PAPPA2: variants seen among roughly 807,000 people sequenced by gnomAD.
PAPPA2 encodes the protein pappalysin 2.
Under a neutral mutation model 176.4 loss-of-function variants are expected in PAPPA2, and 86 were observed. That is an observed-to-expected ratio of 0.49 (90% confidence interval 0.41 to 0.58). The LOEUF is 0.58. Among genes scored for constraint, PAPPA2 ranks in the 20% least tolerant of loss-of-function variants. The pLI, the probability that PAPPA2 is intolerant of heterozygous loss-of-function variation, is 0.00. For synonymous variants in PAPPA2, 809 were observed against 852.2 expected (o/e 0.95, Z 0.88); for missense variants, 2,073 against 2,256.9 (o/e 0.92, Z 1.65).
chr1:176,486,762 G>C (rs1268203563), intron 1 of PAPPA2, among the ~76,000 whole-genome samples: 1 of 152,148 alleles, frequency 6.6e-6, no homozygotes, highest in African/African-American at 2.4e-5. Context: ...GAGGCACAAT[G>C]GGACTAGATT....
chr1:176,744,549 T>A (rs1229453191), intron 14 of PAPPA2, among the ~76,000 whole-genome samples: 1 of 152,078 alleles, frequency 6.6e-6, no homozygotes, highest in Non-Finnish European at 1.5e-5. Flanking sequence ...CCACCCTACC[T>A]CACTAAGACC....
chr1:176,500,984 C>T (rs191095080), intron 1 of PAPPA2, among the ~76,000 whole-genome samples: 96 of 151,488 alleles, frequency 6.3e-4, no homozygotes, highest in African/African-American at 2.2e-3. Context: ...TACTGTCAAC[C>T]TTACTAGTTT....
rs964113556 is a variant in PAPPA2 at position 176,666,552 on chromosome 1, T to C, written c.1992-4418T>C. Among the ~76,000 whole-genome samples, 46 of 143,974 alleles carry C rather than the reference T, an allele frequency of 3.2e-4. 2 individuals carry two copies. Among genetic ancestry groups the C allele is most frequent in the Admixed American group, 2.7e-3 (38 of 14,160 alleles). The allele number at this position is 143,974 out of a possible 152,430, so 94.5% of individuals were successfully genotyped here. A position where few individuals can be genotyped will look rare whatever the true frequency, so the allele number is the denominator to read the frequency against. On this transcript the variant is annotated intron_variant, in intron 3 of 22. Coordinates refer to ENST00000367662, the MANE Select transcript of PAPPA2 (RefSeq NM_020318.3). ...AAGGGAATACAAATAGGTAAGGAAG[T>C]AAATATATATGTGTGTGTGTGTGTG...
intron 1 of PAPPA2, among the ~76,000 whole-genome samples, chr1:176,528,904 C>T (rs1285505448): frequency 1.3e-5 from 2 of 152,182 alleles, no homozygotes; most frequent in African/African-American, 2.4e-5. Flanking sequence ...TTCAAATCCT[C>T]GTGAAGCCTT....
intron 1 of PAPPA2, among the ~76,000 whole-genome samples, chr1:176,526,447 CT>C (rs1162775709): frequency 9.2e-5 from 14 of 152,168 alleles, no homozygotes; most frequent in African/African-American, 3.4e-4. Context: ...TGGGCTTGTT[CT>C]CTTTTGCCAT....
At chr1:176,819,314 TTTG>T (rs528222425) in intron 21 of PAPPA2, among the ~76,000 whole-genome samples, 2 of 152,122 alleles carry the variant, frequency 1.3e-5, no homozygotes, top group Admixed American at 6.5e-5. Context: ...TATTGACAGT[TTTG>T]TTGTTGTTGT....
chr1:176,570,883 C>T (rs1296116631), intron 2 of PAPPA2, among the ~76,000 whole-genome samples: 1 of 152,078 alleles, frequency 6.6e-6, no homozygotes, highest in African/African-American at 2.4e-5. Context: ...TTTGCCATTC[C>T]CCGCCCTTCT....
intron 2 of PAPPA2, among the ~76,000 whole-genome samples, chr1:176,583,965 G>A (rs1042556758): frequency 4.6e-5 from 7 of 152,140 alleles, no homozygotes; most frequent in African/African-American, 1.4e-4. Context: ...TGAGGTGGGA[G>A]GATTGTTTGC....
intron 3 of PAPPA2, among the ~76,000 whole-genome samples, chr1:176,624,288 T>C (rs895797232): frequency 2.6e-5 from 4 of 152,174 alleles, no homozygotes; most frequent in African/African-American, 9.7e-5. Context: ...CTCTGCCTGT[T>C]TCTAGCACCT....
At chr1:176,758,796 T>C (rs926309188) in intron 14 of PAPPA2, among the ~76,000 whole-genome samples, 4 of 152,216 alleles carry the variant, frequency 2.6e-5, no homozygotes, top group Non-Finnish European at 5.9e-5. Flanking sequence ...TGAGAAACTC[T>C]TTCTTGAGTT....
At chr1:176,786,463 G>A (rs949772165) in intron 17 of PAPPA2, among the ~76,000 whole-genome samples, 1 of 152,164 alleles carries the variant, frequency 6.6e-6, no homozygotes, top group Non-Finnish European at 1.5e-5. Context: ...TTACCCAGCT[G>A]CATTCACAGG....
chr1:176,694,020 CA>C (rs1389305763), intron 6 of PAPPA2, among the ~76,000 whole-genome samples: 1 of 152,214 alleles, frequency 6.6e-6, no homozygotes, highest in East Asian at 1.9e-4. Context: ...TTCCTTTTCT[CA>C]GCTAGGTGGA....
chr1:176,783,138 C>T (rs1664792382), intron 17 of PAPPA2, among the ~76,000 whole-genome samples: 7 of 152,092 alleles, frequency 4.6e-5, no homozygotes, highest in Admixed American at 4.6e-4. Context: ...AGAACTTAAA[C>T]AATAATAGTC....
intron 3 of PAPPA2, among the ~76,000 whole-genome samples, chr1:176,626,889 CT>C (rs547179481): frequency 0.014 from 1,785 of 127,750 alleles, 11 homozygotes; most frequent in Admixed American, 0.029. Context: ...CCTGTTTTTC[CT>C]TTTTTTTTTT....
intron 7 of PAPPA2, 111 bp downstream of exon 7, chr1:176,695,970 G>GTA: frequency 3.4e-6 from 1 of 292,192 alleles, no homozygotes. Context: ...ATGTGTATGT[G>GTA]TGTGTGTGTG....
chr1:176,552,707 T>A (rs1307519019), intron 1 of PAPPA2, among the ~76,000 whole-genome samples: 1 of 152,108 alleles, frequency 6.6e-6, no homozygotes, highest in African/African-American at 2.4e-5. Flanking sequence ...TCCAGCCAGC[T>A]CCTGCTGTGT....
chr1:176,525,152 C>T (rs1649432643), intron 1 of PAPPA2, among the ~76,000 whole-genome samples: 1 of 152,136 alleles, frequency 6.6e-6, no homozygotes, highest in Non-Finnish European at 1.5e-5. Flanking sequence ...CTATCTCTTA[C>T]TTATATTTAT....
At chr1:176,544,211 G>A (rs1027706388) in intron 1 of PAPPA2, among the ~76,000 whole-genome samples, 6 of 152,272 alleles carry the variant, frequency 3.9e-5, no homozygotes, top group South Asian at 2.1e-4. Context: ...ACCTCACTCC[G>A]GTTGTTTGCA....
At chr1:176,666,606 TGTGAGA>T (rs1306234218) in intron 3 of PAPPA2, among the ~76,000 whole-genome samples, 6 of 120,046 alleles carry the variant, frequency 5.0e-5, no homozygotes, top group Admixed American at 8.6e-5. Flanking sequence ...TGTGTGTGTG[TGTGAGA>T]GAGAGAGAGA....
Sources: gnomAD v4.1 joint callset for allele counts (sites outside exome capture counted in the v4.1 genomes callset) on GRCh38, gnomAD v4.1.1 for gene constraint, MANE v1.5 for transcripts, NCBI Gene and HGNC (gene_info 2026-07-23, HGNC 2026-07-21) for gene names.